Variants in BFAR observed in about 807,000 individuals in gnomAD.
The protein encoded by BFAR is RING finger protein 47.
BFAR carries 52 observed loss-of-function variants against 54.4 expected under a neutral mutation model. The observed-to-expected ratio is 0.96, with a 90% CI of 0.77 to 1.21. BFAR has a LOEUF of 1.21. Ranked by LOEUF, BFAR falls within the 50% of genes most tolerant of loss-of-function variation. The pLI is 0.00. For missense variants in BFAR, 571 were observed against 534.0 expected, an observed-to-expected ratio of 1.07 and a Z score of -0.68; for synonymous variants, 215 against 204.3, an observed-to-expected ratio of 1.05 and a Z score of -0.45.
rs149275652 is a variant in BFAR, at chr16:14,662,014, C to T, written c.906C>T (p.Ile302=). The T allele has an allele frequency of 6.2e-5, 100 of 1,614,190 alleles. No homozygotes were observed. In the African/African-American group the frequency reaches 1.1e-3, roughly 18 times the overall value. Residue 302 remains isoleucine (I), a synonymous_variant, in exon 6 of 8, where the codon ATC becomes ATT. Coordinates refer to ENST00000261658, the MANE Select transcript of BFAR (RefSeq NM_016561.3). Reference sequence around the variant, plus strand: ...CCTTCCTACCTTTCATCCACACCATCTGCCCTCTGCAAGAAGACAGCTCTG... The same window carrying T: ...CCTTCCTACCTTTCATCCACACCATTTGCCCTCTGCAAGAAGACAGCTCTG... ...TDTFLPFIHT[I]CPLQEDSSGE... is the part of the protein sequence containing the mutation.
At position 14,657,233 on chromosome 16, in the gene BFAR, G is replaced by A. The variant is rs148216285; in HGVS notation, c.783+2023G>A. 4.0e-3 allele frequency among the ~76,000 whole-genome samples: 614 copies of A among 151,920 alleles called. 6 individuals carry two copies. Among genetic ancestry groups the A allele is most frequent in the African/African-American group, 0.014 (579 of 41,488 alleles). On this transcript the variant is annotated intron_variant, in intron 5 of 7. Transcript: ENST00000261658. Reference sequence around the variant, plus strand: ...TGTTTGTTATTTTTTGTGTTATTTGGTTTTTGTTTTTGTTTTGTTTTGTTT... The same window carrying A: ...TGTTTGTTATTTTTTGTGTTATTTGATTTTTGTTTTTGTTTTGTTTTGTTT...
chr16:14,644,342 A>AAG lies in BFAR; in HGVS notation c.-1_1dup, dbSNP rs1284769762. 1.2e-6 allele frequency: 2 copies of AAG among 1,609,780 alleles called. No homozygotes were observed. Among genetic ancestry groups the AAG allele is most frequent in the Non-Finnish European group, 1.7e-6 (2 of 1,176,614 alleles). ...ATGTCTCTGGAACCCAGAATTTGCT[A>AAG]AGAGATGGAGGAACCTCAGAAAAGC... On this transcript the variant is annotated 5_prime_UTR_variant, in exon 2 of 8. Coordinates refer to ENST00000261658, the MANE Select transcript of BFAR (RefSeq NM_016561.3).
chr16:14,648,556 C>A lies in BFAR; in HGVS notation c.432C>A (p.Phe144Leu), dbSNP rs780598120. 17 of 1,613,904 alleles carry A rather than the reference C, an allele frequency of 1.1e-5. No homozygotes were observed. In the East Asian group the frequency reaches 3.8e-4, roughly 36 times the overall value. The stretch of plus-strand genomic sequence containing the variant: ...CGAATCAGCAGATGGGAGGGGGATT[C>A]TTTTCCGGTGTGCTCACAGCTTTAA... The part of the protein sequence containing the change: ...GRANQQMGGG[F>L]FSGVLTALTG... The change falls in exon 3 of 8, where the codon TTC (phenylalanine) becomes TTA (leucine). Residue 144 changes from phenylalanine (F) to leucine (L), a missense_variant. By Grantham distance (22) the Phe-to-Leu change is conservative (BLOSUM62 0). Transcript: ENST00000261658.
rs2151846753 is a variant in BFAR at position 14,668,523 on chromosome 16, G to A, written c.*696G>A. On this transcript the variant is annotated 3_prime_UTR_variant, in exon 8 of 8. Coordinates refer to ENST00000261658, the MANE Select transcript of BFAR (RefSeq NM_016561.3). Reference sequence around the variant, plus strand: ...ATGGAGAGATTGAGAGGGATGTCGGGCAGTTCCCATTAGATTTAGTGGCCT... The same window carrying A: ...ATGGAGAGATTGAGAGGGATGTCGGACAGTTCCCATTAGATTTAGTGGCCT... 1 of 152,588 alleles carries A rather than the reference G, an allele frequency of 6.6e-6. No homozygotes were observed. The allele number at this position is 152,588 out of a possible 1,614,324, so 9.5% of individuals were successfully genotyped here. A position where few individuals can be genotyped will look rare whatever the true frequency, so the allele number is the denominator to read the frequency against.
intron 6 of BFAR, among the ~76,000 whole-genome samples, chr16:14,663,363 G>T (rs771926724): frequency 6.7e-6 from 1 of 150,202 alleles, no homozygotes; most frequent in Non-Finnish European, 1.5e-5. Context: ...ACAGAGTCTC[G>T]CCCTGTCGCC....
chr16:14,641,324 G>A (rs983321705), intron 1 of BFAR, among the ~76,000 whole-genome samples: 5 of 152,160 alleles, frequency 3.3e-5, no homozygotes, highest in Non-Finnish European at 5.9e-5. Flanking sequence ...TGCTTCTAAC[G>A]CCTGCAGCCT....
At chr16:14,641,217 A>T (rs1210892631) in intron 1 of BFAR, among the ~76,000 whole-genome samples, 1 of 152,166 alleles carries the variant, frequency 6.6e-6, no homozygotes, top group Non-Finnish European at 1.5e-5. Context: ...CAGGGGTAGG[A>T]ATAGAATGAT....
intron 1 of BFAR, among the ~76,000 whole-genome samples, chr16:14,638,187 A>C (rs959474273): frequency 6.6e-6 from 1 of 152,176 alleles, no homozygotes; most frequent in Non-Finnish European, 1.5e-5. Flanking sequence ...ACTCGAGACC[A>C]TCATGGACAA....
chr16:14,655,450 T>G (rs1057034252), intron 5 of BFAR, among the ~76,000 whole-genome samples: 2 of 150,682 alleles, frequency 1.3e-5, no homozygotes, highest in Non-Finnish European at 3.0e-5. Flanking sequence ...GCCTCCAGAG[T>G]AGCTGGGATT....
At chr16:14,649,689 C>A in intron 3 of BFAR, 115 bp from the exon 4 acceptor site, 1 of 920,152 alleles carries the variant, frequency 1.1e-6, no homozygotes, top group Non-Finnish European at 1.6e-6. Flanking sequence ...TGTGTACGGG[C>A]TCCGCATCAT....
chr16:14,641,331 G>A (rs1429759181), intron 1 of BFAR, among the ~76,000 whole-genome samples: 2 of 152,200 alleles, frequency 1.3e-5, no homozygotes, highest in Non-Finnish European at 2.9e-5. Flanking sequence ...AACGCCTGCA[G>A]CCTGCTGCTG....
intron 3 of BFAR, 42 bp downstream of exon 3, chr16:14,648,634 AC>A (rs771598961): frequency 3.2e-6 from 4 of 1,241,882 alleles, no homozygotes; most frequent in Non-Finnish European, 3.3e-6. Flanking sequence ...CCCACACCTC[AC>A]CCCCCGACCC....
intron 1 of BFAR, among the ~76,000 whole-genome samples, chr16:14,637,571 A>C (rs758297221): frequency 6.6e-6 from 1 of 152,218 alleles, no homozygotes; most frequent in Non-Finnish European, 1.5e-5. Context: ...GCAATGGCTC[A>C]CGCCTGTAAA....
At chr16:14,653,404 T>A (rs1960030351) in intron 4 of BFAR, among the ~76,000 whole-genome samples, 1 of 152,238 alleles carries the variant, frequency 6.6e-6, no homozygotes, top group South Asian at 2.1e-4. Context: ...CTTGGCTCAC[T>A]GCAACCTTCA....
intron 1 of BFAR, among the ~76,000 whole-genome samples, chr16:14,640,406 C>G (rs914101502): frequency 1.3e-5 from 2 of 152,060 alleles, no homozygotes; most frequent in Non-Finnish European, 2.9e-5. Context: ...TCTGCTCGAG[C>G]TGATCTTGTC....
At position 14,635,924 on chromosome 16, in the gene BFAR, C is replaced by T. The variant is rs1020426826; in HGVS notation, c.-74+2906C>T. 3.9e-5 allele frequency among the ~76,000 whole-genome samples: 6 copies of T among 152,148 alleles called. No homozygotes were observed. In the East Asian group the frequency reaches 9.6e-4, roughly 24 times the overall value. On this transcript the variant is annotated intron_variant, in intron 1 of 7. Transcript: ENST00000261658. The stretch of plus-strand genomic sequence containing the variant: ...GGATTACAGGCATGAGCCACTGCCC[C>T]GGCCTAATGCTTCTCTTATGTTAAT...
chr16:14,659,035 G>A (rs966921923), intron 5 of BFAR, among the ~76,000 whole-genome samples: 4 of 151,272 alleles, frequency 2.6e-5, no homozygotes, highest in African/African-American at 9.7e-5. Context: ...AGCCTCCTGA[G>A]TAGCTGGGAC....
At chr16:14,646,574 C>G (rs1959802770) in intron 2 of BFAR, among the ~76,000 whole-genome samples, 1 of 151,910 alleles carries the variant, frequency 6.6e-6, no homozygotes, top group Non-Finnish European at 1.5e-5. Context: ...TCTCGGCTCA[C>G]TGCAACCTCC....
At position 14,649,833 on chromosome 16, in the gene BFAR, C is replaced by T. The variant is rs1959914521; in HGVS notation, c.498C>T (p.Ser166=). ...AVVLLVYHWS[S]RESEHDLLVH... ...TCCTGCTCGTCTATCACTGGAGCAGCAGGGAATCTGAACACGACCTCCTGG... is the reference window on the plus strand; with the variant it reads ...TCCTGCTCGTCTATCACTGGAGCAGTAGGGAATCTGAACACGACCTCCTGG... The change falls in exon 4 of 8, where the codon AGC becomes AGT. Residue 166 remains serine, a synonymous_variant. Coordinates refer to ENST00000261658, the MANE Select transcript of BFAR (RefSeq NM_016561.3). 1.2e-6 allele frequency: 2 copies of T among 1,610,478 alleles called. No individual in the cohort carries two copies. Among genetic ancestry groups the T allele is most frequent in the Middle Eastern group, 1.7e-4 (1 of 6,052 alleles).
Sources: gnomAD v4.1 joint callset for allele counts (sites outside exome capture counted in the v4.1 genomes callset) on GRCh38, gnomAD v4.1.1 for gene constraint, MANE v1.5 for transcripts, NCBI Gene and HGNC (gene_info 2026-07-23, HGNC 2026-07-21) for gene names.